PARG: variants seen among roughly 807,000 people sequenced by gnomAD.
PARG encodes poly(ADP-ribose) glycohydrolase.
PARG carries 35 observed loss-of-function variants against 113.0 expected under a neutral mutation model. The observed-to-expected ratio is 0.31, with a 90% confidence interval of 0.24 to 0.41. The LOEUF is 0.41. Ranked by LOEUF, PARG falls within the 10% of genes least tolerant of loss-of-function variation. PARG has a pLI of 1.00. For missense variants in PARG, 797 were observed against 1,169.4 expected, an observed-to-expected ratio of 0.68 and a Z score of 4.64; for synonymous variants, 330 against 409.9, an observed-to-expected ratio of 0.81 and a Z score of 2.36.
intron 7 of PARG, among the ~76,000 whole-genome samples, chr10:49,897,573 T>C (rs1554843039): frequency 6.6e-6 from 1 of 152,240 alleles, no homozygotes; most frequent in East Asian, 1.9e-4. Context: ...GCATAGTATT[T>C]AGTGCTCATT....
At chr10:49,839,362 A>G (rs1845113728) in intron 15 of PARG, among the ~76,000 whole-genome samples, 1 of 152,082 alleles carries the variant, frequency 6.6e-6, no homozygotes, top group Admixed American at 6.5e-5. Flanking sequence ...TTATTTAATT[A>G]TCAGTCAAGT....
rs186422464 is a variant in PARG at position 49,891,268 on chromosome 10, C to T, written c.1738-5973G>A. Among the ~76,000 whole-genome samples, 219 of 152,162 alleles carry T rather than the reference C, an allele frequency of 1.4e-3. 1 individual carries two copies. Among genetic ancestry groups the T allele is most frequent in the African/African-American group, 4.8e-3 (200 of 41,508 alleles). On this transcript the variant is annotated intron_variant, in intron 7 of 17. Transcript: ENST00000616448. ...GGCAGAGGTTGCAGTGAGCCGAGATCGTGCCACTGCACTTCCGCCTGGGCG... is the reference window on the plus strand; with the variant it reads ...GGCAGAGGTTGCAGTGAGCCGAGATTGTGCCACTGCACTTCCGCCTGGGCG...
At chr10:49,929,902 A>C (rs1844888158) in intron 4 of PARG, among the ~76,000 whole-genome samples, 1 of 150,762 alleles carries the variant, frequency 6.6e-6, no homozygotes, top group African/African-American at 2.4e-5. Context: ...TGATGATGAG[A>C]CAGTTTTAAA....
intron 3 of PARG, among the ~76,000 whole-genome samples, 154 bp from the exon 4 acceptor site, chr10:49,932,437 A>C (rs1163617440): frequency 6.6e-6 from 1 of 152,250 alleles, no homozygotes; most frequent in African/African-American, 2.4e-5. Context: ...TCAAAAGAAA[A>C]ACCTATAAAG....
At chr10:49,934,465 C>G (rs1328551680) in intron 2 of PARG, among the ~76,000 whole-genome samples, 1 of 151,996 alleles carries the variant, frequency 6.6e-6, no homozygotes, top group African/African-American at 2.4e-5. Flanking sequence ...ACCACTGTGC[C>G]TTGCTCATAC....
intron 4 of PARG, among the ~76,000 whole-genome samples, chr10:49,928,272 A>G (rs1175497535): frequency 6.9e-6 from 1 of 144,912 alleles, no homozygotes; most frequent in Non-Finnish European, 1.5e-5. Flanking sequence ...CTCCATCTCG[A>G]AAAAAAAAAA....
chr10:49,835,842 A>T (rs1554830995), intron 15 of PARG, among the ~76,000 whole-genome samples: 2 of 152,152 alleles, frequency 1.3e-5, no homozygotes, highest in Admixed American at 1.3e-4. Context: ...GTTGCAGTCA[A>T]CAACGAAGCA....
At chr10:49,899,031 G>A (rs1380238945) in intron 7 of PARG, among the ~76,000 whole-genome samples, 10 of 152,146 alleles carry the variant, frequency 6.6e-5, no homozygotes, top group African/African-American at 1.7e-4. Flanking sequence ...ATGTAAAACC[G>A]TCAATAAAAA....
chr10:49,924,943 T>C (rs2664667), intron 4 of PARG, among the ~76,000 whole-genome samples: 15 of 152,198 alleles, frequency 9.9e-5, no homozygotes, highest in South Asian at 6.2e-4. Context: ...GGAACCAGGC[T>C]GCATAGCAGG....
At chr10:49,930,153 G>A (rs1838415078) in intron 4 of PARG, among the ~76,000 whole-genome samples, 1 of 152,118 alleles carries the variant, frequency 6.6e-6, no homozygotes, top group Admixed American at 6.5e-5. Context: ...GGCAAAAACA[G>A]CTGGTTCAAA....
At chr10:49,902,358 G>A (rs1444528790) in intron 7 of PARG, among the ~76,000 whole-genome samples, 3 of 152,180 alleles carry the variant, frequency 2.0e-5, no homozygotes, top group Non-Finnish European at 4.4e-5. Flanking sequence ...GAAGGCATAT[G>A]AGGACCGATG....
At chr10:49,922,502 C>T (rs782655110) in intron 5 of PARG, 45 bp downstream of exon 5, 56 of 1,610,060 alleles carry the variant, frequency 3.5e-5, no homozygotes, top group Non-Finnish European at 4.7e-5. Context: ...AAGCAAGTAC[C>T]AAACCATTTT....
intron 7 of PARG, among the ~76,000 whole-genome samples, chr10:49,902,607 T>C (rs1848394818): frequency 1.3e-5 from 2 of 152,152 alleles, no homozygotes; most frequent in Admixed American, 1.3e-4. Context: ...GACATTAGAT[T>C]GAGCACTGTG....
intron 7 of PARG, among the ~76,000 whole-genome samples, chr10:49,892,162 C>T (rs1319430077): frequency 1.3e-5 from 2 of 151,904 alleles, no homozygotes; most frequent in Admixed American, 6.5e-5. Context: ...AATTATGTTG[C>T]TCAATTTCGT....
At chr10:49,929,116 G>A (rs1172034970) in intron 4 of PARG, among the ~76,000 whole-genome samples, 4 of 151,772 alleles carry the variant, frequency 2.6e-5, no homozygotes, top group South Asian at 4.2e-4. Context: ...TAACTATAGA[G>A]ATTATTTGAT....
chr10:49,908,807 G>A (rs868907045), intron 7 of PARG, among the ~76,000 whole-genome samples: 23 of 152,102 alleles, frequency 1.5e-4, no homozygotes, highest in Non-Finnish European at 2.9e-5. Flanking sequence ...CCACCAAAAG[G>A]CTATCATGGA....
chr10:49,906,129 G>T (rs1848573988), intron 7 of PARG, among the ~76,000 whole-genome samples: 1 of 149,392 alleles, frequency 6.7e-6, no homozygotes, highest in Admixed American at 6.7e-5. Context: ...TTTCCCTGAG[G>T]CTGTGATGCT....
intron 7 of PARG, among the ~76,000 whole-genome samples, chr10:49,898,655 T>TAC (rs781967883): frequency 5.3e-5 from 8 of 152,162 alleles, no homozygotes; most frequent in East Asian, 1.9e-4. Flanking sequence ...ATATATAACA[T>TAC]ACACACACAC....
intron 15 of PARG, among the ~76,000 whole-genome samples, chr10:49,835,743 A>T (rs1239832002): frequency 6.6e-6 from 1 of 152,094 alleles, no homozygotes; most frequent in Non-Finnish European, 1.5e-5. Flanking sequence ...AAACTGATGT[A>T]TAAGATTTTA....
Sources: gnomAD v4.1 joint callset for allele counts (sites outside exome capture counted in the v4.1 genomes callset) on GRCh38, gnomAD v4.1.1 for gene constraint, MANE v1.5 for transcripts, NCBI Gene and HGNC (gene_info 2026-07-23, HGNC 2026-07-21) for gene names.